Variants in NCF4 observed in about 807,000 individuals in gnomAD.
The protein encoded by NCF4 is neutrophil cytosolic factor 4.
Under a neutral mutation model 41.7 loss-of-function variants are expected in NCF4, and 30 were observed. That is an observed-to-expected ratio of 0.72 (90% CI 0.54 to 0.97). The LOEUF is 0.97. Among genes scored for constraint, NCF4 ranks in the 50% least tolerant of loss-of-function variants. NCF4 has a pLI of 0.00. For synonymous variants in NCF4, 195 were observed against 175.8 expected (o/e 1.11, Z -0.87); for missense variants, 432 against 460.9 (o/e 0.94, Z 0.57).
intron 5 of NCF4, among the ~76,000 whole-genome samples, 157 bp from the exon 6 acceptor site, chr22:36,871,494 AG>A (rs1940053438): frequency 1.3e-5 from 2 of 152,196 alleles, no homozygotes; most frequent in African/African-American, 4.8e-5. Context: ...TTTGGGGACA[AG>A]TGTGCCCGCC....
chr22:36,875,852 C>T lies in NCF4; in HGVS notation c.758+69C>T, dbSNP rs1940180265. The T allele has an allele frequency of 6.2e-7, 1 of 1,614,122 alleles. No individual in the cohort carries two copies. Among genetic ancestry groups the T allele is most frequent in the Non-Finnish European group, 8.5e-7 (1 of 1,180,010 alleles). On this transcript the variant is annotated intron_variant, in intron 8 of 9. Coordinates refer to ENST00000248899, the MANE Select transcript of NCF4 (RefSeq NM_000631.5). ...TCCCTACGACCACTGCCCCTCACAT[C>T]ACCTTCTCATGGGTCCCTCTCCCAC...
At chr22:36,874,334 G>T (rs1231028616) in intron 7 of NCF4, among the ~76,000 whole-genome samples, 1 of 152,252 alleles carries the variant, frequency 6.6e-6, no homozygotes, top group Non-Finnish European at 1.5e-5. Context: ...TGTTGAAGGA[G>T]GTTCTGGGAC....
chr22:36,864,955 A>G lies in NCF4; in HGVS notation c.154A>G (p.Lys52Glu), dbSNP rs1939888361. ...VIEVKTKGGS[K>E]YLIYRRYRQF... ...CGAGGTGAAGACAAAAGGAGGATCC[A>G]AGTACCTCATCTACCGCCGCTACCG... is the stretch of plus-strand genomic sequence containing the variant. Residue 52 changes from lysine (K) to glutamate (E), a missense_variant, in exon 3 of 10, where the codon AAG (lysine) becomes GAG (glutamate). Coordinates refer to ENST00000248899, the MANE Select transcript of NCF4 (RefSeq NM_000631.5). 6.2e-7 allele frequency: 1 copy of G among 1,613,930 alleles called. No individual in the cohort carries two copies. The highest frequency in any genetic ancestry group is 8.5e-7 in the Non-Finnish European group (1 of 1,180,022).
chr22:36,870,314 G>A (rs1940022448), intron 4 of NCF4, 101 bp from the exon 5 acceptor site: 1 of 1,517,234 alleles, frequency 6.6e-7, no homozygotes, highest in African/African-American at 1.4e-5. Context: ...TTAGTAAAGA[G>A]AGGAGGGCTG....
intron 1 of NCF4, among the ~76,000 whole-genome samples, chr22:36,861,449 CA>C (rs915426975): frequency 1.6e-4 from 24 of 152,234 alleles, no homozygotes; most frequent in African/African-American, 5.5e-4. Flanking sequence ...CACGGTCACA[CA>C]ACGAGTGACC....
At chr22:36,873,405 G>T (rs1940127199) in intron 7 of NCF4, among the ~76,000 whole-genome samples, 1 of 149,780 alleles carries the variant, frequency 6.7e-6, no homozygotes, top group Non-Finnish European at 1.5e-5. Flanking sequence ...GTAAGGTTAG[G>T]CTGAGATTAG....
At chr22:36,862,922 C>A (rs770231324) in intron 1 of NCF4, among the ~76,000 whole-genome samples, 1 of 152,086 alleles carries the variant, frequency 6.6e-6, no homozygotes, top group Non-Finnish European at 1.5e-5. Context: ...ACCTCGGCCT[C>A]CCCCAGGGCA....
In NCF4 at chr22:36,875,654, G is replaced by A. The variant is rs1294555550; in HGVS notation, c.629G>A (p.Gly210Asp). 2 of 1,611,166 alleles carry A rather than the reference G, an allele frequency of 1.2e-6. No homozygotes were observed. The highest frequency in any genetic ancestry group is 1.7e-6 in the Non-Finnish European group (2 of 1,179,972). ...LSRINKDWLE[G>D]TVRGATGIFP... ...GGCATCCCTTCTCTTCCTCTGCAGG[G>A]CACTGTCCGGGGAGCCACGGGCATC... is the stretch of plus-strand genomic sequence containing the variant. The change falls in exon 8 of 10, where the codon GGC becomes GAC. Residue 210 changes from glycine (G) to aspartate (D), a missense_variant and splice_region_variant. Physicochemically the swap from Gly to Asp is moderately conservative, Grantham distance 94. Transcript: ENST00000248899.
At position 36,872,410 on chromosome 22, in the gene NCF4, C is replaced by T. The variant is rs1192948761; in HGVS notation, c.612C>T (p.Asn204=). 4 of 1,609,926 alleles carry T rather than the reference C, an allele frequency of 2.5e-6. 1 individual carries two copies. Among genetic ancestry groups the T allele is most frequent in the Middle Eastern group, 3.3e-4 (2 of 6,050 alleles). Residue 204 remains asparagine, a synonymous_variant, in exon 7 of 10, where the codon AAC becomes AAT. Coordinates refer to ENST00000248899, the MANE Select transcript of NCF4 (RefSeq NM_000631.5). ...TGATCTTCCTCCTCAGTCGGATCAA[C>T]AAAGACTGGCTGGAGGTGAGTTCAG... ...GDVIFLLSRI[N]KDWLEGTVRG...
At chr22:36,873,325 G>A (rs1477904665) in intron 7 of NCF4, among the ~76,000 whole-genome samples, 1 of 150,534 alleles carries the variant, frequency 6.6e-6, no homozygotes, top group Admixed American at 6.6e-5. Context: ...GGTTAGAGAT[G>A]AGGTTGGAGA....
rs777800037 is a variant in NCF4, at chr22:36,875,709, A to C, written c.684A>C (p.Lys228Asn). ...CTCTCTCCTTCGTGAAGATCCTCAA[A>C]GACTTCCCTGAGGAGGACGACCCCA... Reference protein sequence around the residue: ...IFPLSFVKILKDFPEEDDPTN... With the variant: ...IFPLSFVKILNDFPEEDDPTN... The change falls in exon 8 of 10, where the codon AAA becomes AAC. Residue 228 changes from lysine (K) to asparagine (N), a missense_variant. By Grantham distance (94) the Lys-to-Asn change is moderately conservative. Transcript: ENST00000248899. 6.2e-7 allele frequency: 1 copy of C among 1,613,632 alleles called. No homozygotes were observed. The highest frequency in any genetic ancestry group is 1.1e-5 in the South Asian group (1 of 91,086).
chr22:36,866,789 C>T (rs376136935), intron 3 of NCF4, among the ~76,000 whole-genome samples: 4 of 152,170 alleles, frequency 2.6e-5, no homozygotes, highest in African/African-American at 9.7e-5. Flanking sequence ...TCCTTTTCCT[C>T]CAGAACATCT....
intron 2 of NCF4, among the ~76,000 whole-genome samples, chr22:36,864,463 C>T (rs2145703733): frequency 6.6e-6 from 1 of 152,342 alleles, no homozygotes; most frequent in Non-Finnish European, 1.5e-5. Flanking sequence ...CCTTTGACCT[C>T]AGAACCTCCA....
intron 1 of NCF4, among the ~76,000 whole-genome samples, chr22:36,861,886 GA>G (rs2145698069): frequency 6.6e-6 from 1 of 152,292 alleles, no homozygotes; most frequent in African/African-American, 2.4e-5. Context: ...ATAAATGAAT[GA>G]ATGAATGGGT....
At chr22:36,867,557 G>A (rs962373992) in intron 4 of NCF4, 95 bp downstream of exon 4, 13 of 1,373,078 alleles carry the variant, frequency 9.5e-6, no homozygotes, top group African/African-American at 2.9e-5. Flanking sequence ...TTGGGAACTG[G>A]GGCTGGCTCT....
chr22:36,865,244 C>A lies in NCF4; in HGVS notation c.271+172C>A, dbSNP rs76686525. ...CCAAGCCCTCCCTGCATGGCTCCCC[C>A]TGCCTCACGCCATGGCTTCCACCCC... On this transcript the variant is annotated intron_variant, in intron 3 of 9. Coordinates refer to ENST00000248899, the MANE Select transcript of NCF4 (RefSeq NM_000631.5). This position sits in a 1 kb window ranked among gnomAD's most constrained non-coding sequence, Gnocchi z 4.3. Among the ~76,000 whole-genome samples the A allele has an allele frequency of 6.6e-6, 1 of 152,220 alleles. No individual in the cohort carries two copies. Among genetic ancestry groups the A allele is most frequent in the African/African-American group, 2.4e-5 (1 of 41,532 alleles).
intron 1 of NCF4, among the ~76,000 whole-genome samples, chr22:36,862,970 G>A (rs2145700247): frequency 6.6e-6 from 1 of 152,300 alleles, no homozygotes; most frequent in Non-Finnish European, 1.5e-5. Flanking sequence ...TCCAAAGTCT[G>A]TGAACTGTGC....
At position 36,875,795 on chromosome 22, in the gene NCF4, G is replaced by A; in HGVS notation, c.758+12G>A. The A allele has an allele frequency of 6.2e-7, 1 of 1,614,142 alleles. No individual in the cohort carries two copies. The highest frequency in any genetic ancestry group is 8.5e-7 in the Non-Finnish European group (1 of 1,180,018). ...ATCAGCACCATCAAGTCTGTGGCCT[G>A]GGAGGGAGGGGCCTGTCCAGCCTTC... On this transcript the variant is annotated intron_variant, in intron 8 of 9. Transcript: ENST00000248899.
At chr22:36,876,533 A>C (rs1391994950) in intron 9 of NCF4, among the ~76,000 whole-genome samples, 1 of 152,228 alleles carries the variant, frequency 6.6e-6, no homozygotes, top group Non-Finnish European at 1.5e-5. Flanking sequence ...ACCATGTCAG[A>C]AAGATACAAA....
Sources: gnomAD v4.1 joint callset for allele counts (sites outside exome capture counted in the v4.1 genomes callset) on GRCh38, gnomAD v4.1.1 for gene constraint, Gnocchi (gnomAD v3.1) non-coding constraint, MANE v1.5 for transcripts, NCBI Gene and HGNC (gene_info 2026-07-23, HGNC 2026-07-21) for gene names.